The following FHIT variants were observed in gnomAD, a reference collection of about 807,000 sequenced individuals.
FHIT encodes bis(5'-adenosyl)-triphosphatase.
Under a neutral mutation model 17.9 loss-of-function variants are expected in FHIT, and 19 were observed. The ratio of observed to expected loss-of-function variants is 1.06; its 90% confidence interval spans 0.74 to 1.56. The LOEUF (loss-of-function observed/expected upper bound fraction) is 1.56. Ranked by LOEUF, FHIT falls within the 40% of genes most tolerant of loss-of-function variation. The probability of loss-of-function intolerance (pLI) is 0.00; values close to 1 mark genes in which losing one functional copy is unlikely to be tolerated. For synonymous variants in FHIT, 81 were observed against 69.7 expected (o/e 1.16, Z -0.81); for missense variants, 248 against 189.2 (o/e 1.31, Z -1.82).
At chr3:60,754,179 C>T in intron 4 of FHIT, among the ~76,000 whole-genome samples, 1 of 152,168 alleles carries the variant, frequency 6.6e-6, no homozygotes, top group Non-Finnish European at 1.5e-5. Flanking sequence ...AATATCAAAA[C>T]AAAGTAAACT....
At chr3:60,704,968 T>A (rs2107918909) in intron 4 of FHIT, among the ~76,000 whole-genome samples, 1 of 151,434 alleles carries the variant, frequency 6.6e-6, no homozygotes, top group East Asian at 2.0e-4. Context: ...GTCCAAGAGA[T>A]AAATAAACAT....
intron 4 of FHIT, among the ~76,000 whole-genome samples, chr3:60,747,136 A>AG (rs1553715571): frequency 6.6e-6 from 1 of 152,082 alleles, no homozygotes; most frequent in Admixed American, 6.5e-5. Context: ...CAAAAAAAAA[A>AG]AAAAATGCTC....
intron 5 of FHIT, among the ~76,000 whole-genome samples, chr3:60,425,394 T>C (rs543933070): frequency 4.5e-4 from 68 of 152,272 alleles, no homozygotes; most frequent in Middle Eastern, 3.4e-3. Context: ...TCTACTCAAC[T>C]CCATGATTCT....
intron 5 of FHIT, among the ~76,000 whole-genome samples, chr3:60,143,612 T>C (rs1389201128): frequency 1.3e-5 from 2 of 152,154 alleles, no homozygotes; most frequent in African/African-American, 4.8e-5. Context: ...TAATTTGTTA[T>C]GCAGCAATGG....
intron 2 of FHIT, among the ~76,000 whole-genome samples, chr3:61,077,867 T>C (rs114842226): frequency 6.6e-6 from 1 of 152,262 alleles, no homozygotes; most frequent in Non-Finnish European, 1.5e-5. Context: ...TCAATAAATA[T>C]CCTGGAAATA....
intron 8 of FHIT, among the ~76,000 whole-genome samples, chr3:59,814,045 T>TACACACACACACAC (rs144355020): frequency 0.024 from 3,577 of 146,794 alleles, 118 homozygotes; most frequent in African/African-American, 0.069. Flanking sequence ...AATTTACACA[T>TACACACACACACAC]ACACACACAC....
At chr3:59,987,314 C>A (rs1190064181) in intron 7 of FHIT, among the ~76,000 whole-genome samples, 1 of 151,664 alleles carries the variant, frequency 6.6e-6, no homozygotes, top group Non-Finnish European at 1.5e-5. Context: ...TATAAATGAG[C>A]TTGGCTGTGA....
At chr3:60,915,836 T>C (rs782637047) in intron 3 of FHIT, among the ~76,000 whole-genome samples, 17 of 152,140 alleles carry the variant, frequency 1.1e-4, no homozygotes, top group Non-Finnish European at 2.1e-4. Flanking sequence ...ATAGATATAA[T>C]ATCCACAATT....
At chr3:60,712,060 C>A (rs2041549452) in intron 4 of FHIT, among the ~76,000 whole-genome samples, 3 of 152,326 alleles carry the variant, frequency 2.0e-5, no homozygotes, top group Admixed American at 2.0e-4. Context: ...GCCCATCAGA[C>A]TAACAGCTGA....
intron 3 of FHIT, among the ~76,000 whole-genome samples, chr3:60,882,209 A>G (rs1705012195): frequency 6.6e-6 from 1 of 152,126 alleles, no homozygotes; most frequent in Non-Finnish European, 1.5e-5. Flanking sequence ...CACCAATTAC[A>G]AGCAACAAGT....
chr3:59,923,532 T>G (rs1246835802), intron 7 of FHIT, among the ~76,000 whole-genome samples: 1 of 152,208 alleles, frequency 6.6e-6, no homozygotes, highest in African/African-American at 2.4e-5. Flanking sequence ...AATATATTCT[T>G]CAAAGCTAAA....
intron 5 of FHIT, among the ~76,000 whole-genome samples, chr3:60,016,194 T>C (rs552845138): frequency 1.6e-4 from 24 of 152,354 alleles, no homozygotes; most frequent in East Asian, 5.8e-4. Flanking sequence ...AGTTACTATA[T>C]TGAATTGAAT....
chr3:60,726,555 A>G (rs1237093720), intron 4 of FHIT, among the ~76,000 whole-genome samples: 1 of 152,184 alleles, frequency 6.6e-6, no homozygotes, highest in African/African-American at 2.4e-5. Context: ...CGAGATAAGC[A>G]GTTGATGTTC....
At chr3:61,112,255 T>G (rs2036180825) in intron 2 of FHIT, among the ~76,000 whole-genome samples, 1 of 148,380 alleles carries the variant, frequency 6.7e-6, no homozygotes, top group Non-Finnish European at 1.5e-5. Context: ...CTATCACCAC[T>G]GCCTTAATTT....
chr3:60,246,279 T>C (rs1705391234), intron 5 of FHIT, among the ~76,000 whole-genome samples: 1 of 152,102 alleles, frequency 6.6e-6, no homozygotes, highest in African/African-American at 2.4e-5. Context: ...GAGAGTTATC[T>C]TTGAAGGAGG....
intron 8 of FHIT, among the ~76,000 whole-genome samples, chr3:59,921,879 T>G (rs1310734590): frequency 6.6e-6 from 1 of 152,238 alleles, no homozygotes; most frequent in Admixed American, 6.5e-5. Flanking sequence ...CAAACCAACC[T>G]AGTTTTTGCT....
At chr3:59,932,340 A>G (rs1430088505) in intron 7 of FHIT, among the ~76,000 whole-genome samples, 1 of 152,214 alleles carries the variant, frequency 6.6e-6, no homozygotes, top group Non-Finnish European at 1.5e-5. Flanking sequence ...GAACAGATAA[A>G]AAGTAGATAG....
At chr3:60,558,547 T>A (rs1283067779) in intron 4 of FHIT, among the ~76,000 whole-genome samples, 1 of 151,992 alleles carries the variant, frequency 6.6e-6, no homozygotes, top group Admixed American at 6.6e-5. Flanking sequence ...CATTATTTAC[T>A]TCTCCTCTTG....
chr3:60,859,327 A>C (rs1703518241), intron 3 of FHIT, among the ~76,000 whole-genome samples: 1 of 152,128 alleles, frequency 6.6e-6, no homozygotes, highest in Non-Finnish European at 1.5e-5. Context: ...AGAAGAGCTT[A>C]ATAAATGTTA....
Sources: gnomAD v4.1 joint callset for allele counts (sites outside exome capture counted in the v4.1 genomes callset) on GRCh38, gnomAD v4.1.1 for gene constraint, MANE v1.5 for transcripts, NCBI Gene and HGNC (gene_info 2026-07-23, HGNC 2026-07-21) for gene names.